Variants in ERI1 observed in about 807,000 individuals in gnomAD.
The protein encoded by ERI1 is exoribonuclease 1, also known as 3'-5' exoribonuclease 1.
ERI1 carries 39 observed loss-of-function variants against 39.7 expected under a neutral mutation model. The ratio of observed to expected loss-of-function variants is 0.98; its 90% CI spans 0.76 to 1.28. ERI1 has a LOEUF of 1.28. Ranked by LOEUF, ERI1 falls within the 50% of genes most tolerant of loss-of-function variation. The pLI is 0.00. For synonymous variants in ERI1, 204 were observed against 149.6 expected, an observed-to-expected ratio of 1.36 and a Z score of -2.65; for missense variants, 581 against 416.9, an observed-to-expected ratio of 1.39 and a Z score of -3.43.
At chr8:9,066,428 A>C (rs1798880796) in intron 3 of ERI1, among the ~76,000 whole-genome samples, 1 of 152,206 alleles carries the variant, frequency 6.6e-6, no homozygotes, top group Non-Finnish European at 1.5e-5. Context: ...TAAAATGGGG[A>C]CAATGCAAAG....
intron 1 of ERI1, among the ~76,000 whole-genome samples, chr8:9,007,754 C>T (rs1448070103): frequency 6.6e-6 from 1 of 152,044 alleles, no homozygotes; most frequent in African/African-American, 2.4e-5. Flanking sequence ...TTTGAGGAAC[C>T]TCATGACTCA....
intron 2 of ERI1, 76 bp downstream of exon 2, chr8:9,008,224 T>A (rs1054046062): frequency 8.1e-7 from 1 of 1,237,794 alleles, no homozygotes; most frequent in Non-Finnish European, 1.1e-6. Context: ...ATTGAAATAT[T>A]AAAAATCATC....
At chr8:9,024,631 C>T (rs1030181488) in intron 6 of ERI1, among the ~76,000 whole-genome samples, 2 of 152,040 alleles carry the variant, frequency 1.3e-5, no homozygotes, top group Admixed American at 6.6e-5. Context: ...ACTATGTTGG[C>T]CAGGCTGGTT....
intron 3 of ERI1, among the ~76,000 whole-genome samples, chr8:9,043,680 A>G (rs1798091092): frequency 6.6e-6 from 1 of 152,230 alleles, no homozygotes; most frequent in Non-Finnish European, 1.5e-5. Flanking sequence ...GTCCAGTGAC[A>G]CACTATCCAT....
intron 3 of ERI1, among the ~76,000 whole-genome samples, chr8:9,047,715 G>A (rs534135455): frequency 1.8e-5 from 2 of 110,106 alleles, no homozygotes; most frequent in South Asian, 3.5e-4. Flanking sequence ...AGAAAGAAAA[G>A]GAGAGTGAAG....
rs146111327 is a variant in ERI1 at position 9,018,550 on chromosome 8, C to G, written c.692+144C>G. The stretch of plus-strand genomic sequence containing the variant: ...ACAGGGAATAGTATTTTTCCTTTCA[C>G]CTAAGGATGAAAGAGAGGAAGAAAA... On this transcript the variant is annotated intron_variant, in intron 5 of 6. Coordinates refer to ENST00000250263, the MANE Select transcript of ERI1 (RefSeq NM_153332.4). The G allele has an allele frequency of 1.1e-3, 594 of 534,400 alleles. 3 individuals are homozygous for G. Among genetic ancestry groups the G allele is most frequent in the African/African-American group, 0.011 (561 of 52,854 alleles). 33.1% of individuals were successfully genotyped at this position (534,400 alleles called of 1,614,324 possible).
chr8:9,055,231 A>T (rs1421844497), intron 3 of ERI1, among the ~76,000 whole-genome samples: 2 of 152,234 alleles, frequency 1.3e-5, no homozygotes, highest in Non-Finnish European at 2.9e-5. Context: ...AATGCAATTT[A>T]AACAGTTGGC....
intron 3 of ERI1, among the ~76,000 whole-genome samples, chr8:9,087,423 T>G (rs1482574097): frequency 1.9e-5 from 1 of 51,602 alleles, no homozygotes; most frequent in African/African-American, 7.0e-5. Context: ...TTTTTTTTTT[T>G]TTTTTTTTTT....
At chr8:9,057,157 T>G (rs926279018) in intron 3 of ERI1, among the ~76,000 whole-genome samples, 5 of 152,022 alleles carry the variant, frequency 3.3e-5, no homozygotes, top group African/African-American at 1.2e-4. Flanking sequence ...TTGTTTTGTT[T>G]TGTTTGAGAC....
chr8:9,018,380 G>A lies in ERI1; in HGVS notation c.666G>A (p.Lys222=), dbSNP rs771579098. The change falls in exon 5 of 7, where the codon AAG becomes AAA. Residue 222 remains lysine, a synonymous_variant. Coordinates refer to ENST00000250263, the MANE Select transcript of ERI1 (RefSeq NM_153332.4). Reference sequence around the variant, plus strand: ...TGAAATTGAAGGAATTAGGAACAAAGTATAAATACTCACTTTTAACAGATG... The same window carrying A: ...TGAAATTGAAGGAATTAGGAACAAAATATAAATACTCACTTTTAACAGATG... The part of the protein sequence containing the change: ...DWMKLKELGT[K]YKYSLLTDGS... The A allele has an allele frequency of 1.3e-6, 2 of 1,597,074 alleles. No homozygotes were observed. The highest frequency in any genetic ancestry group is 1.7e-6 in the Non-Finnish European group (2 of 1,165,256).
Position 9,025,241 on chromosome 8 carries a change from T to A in ERI1, c.808-4551T>A, listed in dbSNP as rs192191345. On this transcript the variant is annotated intron_variant, in intron 6 of 6. Transcript: ENST00000250263. ...TCCATGTGGCACTCAGACTTGAGAC[T>A]TTCCAATAGCTTTCCTCACTTGATA... Among the ~76,000 whole-genome samples the A allele has an allele frequency of 1.2e-4, 19 of 152,318 alleles. No homozygotes were observed. In the East Asian group the frequency reaches 3.7e-3, roughly 29 times the overall value.
intron 6 of ERI1, among the ~76,000 whole-genome samples, chr8:9,025,773 T>C (rs192538840): frequency 8.7e-4 from 133 of 152,024 alleles, no homozygotes; most frequent in African/African-American, 3.0e-3. Context: ...TTGGAAATGA[T>C]TGGGACCAGA....
At chr8:9,033,988 A>T (rs963910499), downstream of ERI1, among the ~76,000 whole-genome samples, 6 of 152,234 alleles carry the variant, frequency 3.9e-5, no homozygotes, top group African/African-American at 1.4e-4. Flanking sequence ...GACCAGCTGT[A>T]AGGTTTTTTC....
chr8:9,010,886 A>G (rs1816596044), intron 2 of ERI1, among the ~76,000 whole-genome samples: 1 of 152,164 alleles, frequency 6.6e-6, no homozygotes, highest in Non-Finnish European at 1.5e-5. Context: ...ATCATATTCT[A>G]CCCATGATAA....
At chr8:9,037,684 T>G (rs1338458267), downstream of ERI1, among the ~76,000 whole-genome samples, 2 of 152,140 alleles carry the variant, frequency 1.3e-5, no homozygotes, top group Non-Finnish European at 2.9e-5. Context: ...CTGACTGCCG[T>G]GATGAATGAG....
chr8:9,065,619 C>T (rs1350569560), intron 3 of ERI1, among the ~76,000 whole-genome samples: 82 of 149,318 alleles, frequency 5.5e-4, no homozygotes, highest in Non-Finnish European at 4.0e-4. Context: ...GGCATGAACC[C>T]GGGAGGCGGA....
chr8:9,020,489 A>T, intron 6 of ERI1, 25 bp downstream of exon 6: 2 of 1,377,262 alleles, frequency 1.5e-6, no homozygotes, highest in Non-Finnish European at 2.0e-6. Context: ...TTTAATAATT[A>T]CGTGGTTCTT....
chr8:9,053,617 C>T (rs1170245497), intron 3 of ERI1, among the ~76,000 whole-genome samples: 1 of 152,184 alleles, frequency 6.6e-6, no homozygotes, highest in East Asian at 1.9e-4. Context: ...CTGAAGCAGT[C>T]ATGGAAACTC....
intron 6 of ERI1, among the ~76,000 whole-genome samples, chr8:9,023,949 C>A (rs981181222): frequency 6.6e-6 from 1 of 151,914 alleles, no homozygotes; most frequent in Non-Finnish European, 1.5e-5. Context: ...CAGGCATGTG[C>A]CACCACGTCT....
Sources: gnomAD v4.1 joint callset for allele counts (sites outside exome capture counted in the v4.1 genomes callset) on GRCh38, gnomAD v4.1.1 for gene constraint, MANE v1.5 for transcripts, NCBI Gene and HGNC (gene_info 2026-07-23, HGNC 2026-07-21) for gene names.